Variants in TANC1 observed in about 807,000 individuals in gnomAD.
The protein encoded by TANC1 is tetratricopeptide repeat, ankyrin repeat and coiled-coil containing 1, also known as protein TANC1.
TANC1 carries 77 observed loss-of-function variants against 149.7 expected under a neutral mutation model. The observed-to-expected ratio is 0.51, with a 90% confidence interval of 0.43 to 0.62. The LOEUF (loss-of-function observed/expected upper bound fraction) is 0.62. Among genes scored for constraint, TANC1 ranks in the 20% least tolerant of loss-of-function variants. The pLI, the probability that TANC1 is intolerant of heterozygous loss-of-function variation, is 0.00. For synonymous variants in TANC1, 854 were observed against 925.0 expected, an observed-to-expected ratio of 0.92 and a Z score of 1.39; for missense variants, 1,985 against 2,321.8, an observed-to-expected ratio of 0.85 and a Z score of 2.98.
In TANC1 at chr2:159,076,350, A is replaced by G. The variant is rs554373283; in HGVS notation, c.61+10379A>G. ...TTTCATGTTTGTGCTGAGGCTAGAG[A>G]TCCACTAGTCTGATTGGCTTATATT... On this transcript the variant is annotated intron_variant, in intron 3 of 26. Transcript: ENST00000263635. Among the ~76,000 whole-genome samples the G allele has an allele frequency of 5.3e-5, 8 of 152,318 alleles. No individual in the cohort carries two copies. In the South Asian group the frequency reaches 1.7e-3, roughly 32 times the overall value.
chr2:159,196,322 C>T (rs559292040), intron 17 of TANC1, among the ~76,000 whole-genome samples: 31 of 152,292 alleles, frequency 2.0e-4, no homozygotes, highest in African/African-American at 5.5e-4. Flanking sequence ...CACATGCTCA[C>T]AAGAGAGTTA....
chr2:159,172,248 T>C lies in TANC1; in HGVS notation c.1479T>C (p.Asp493=), dbSNP rs1575084558. The change falls in exon 11 of 27, where the codon GAT becomes GAC. Residue 493 remains aspartate, a synonymous_variant. Coordinates refer to ENST00000263635, the MANE Select transcript of TANC1 (RefSeq NM_033394.3). The part of the protein sequence containing the change: ...ISAENQRPRE[D]AVKYLASKVV... ...CTGAAAACCAGAGACCAAGAGAGGATGCAGTGAAATATCTTGCTTCTAAGG... is the reference window on the plus strand; with the variant it reads ...CTGAAAACCAGAGACCAAGAGAGGACGCAGTGAAATATCTTGCTTCTAAGG... 4.3e-6 allele frequency: 7 copies of C among 1,614,130 alleles called. No individual in the cohort carries two copies. The highest frequency in any genetic ancestry group is 5.9e-6 in the Non-Finnish European group (7 of 1,179,962).
chr2:159,185,119 C>T (rs1203323413), intron 14 of TANC1, among the ~76,000 whole-genome samples: 2 of 152,208 alleles, frequency 1.3e-5, no homozygotes, highest in African/African-American at 4.8e-5. Flanking sequence ...AAGTAATTTA[C>T]ATTGCATAGA....
chr2:159,095,087 C>T (rs772561604), intron 3 of TANC1, among the ~76,000 whole-genome samples: 4 of 151,712 alleles, frequency 2.6e-5, no homozygotes, highest in African/African-American at 7.3e-5. Flanking sequence ...CTGGGATTAC[C>T]GGTGCCCACC....
intron 2 of TANC1, among the ~76,000 whole-genome samples, chr2:159,016,865 C>T (rs1415353928): frequency 6.6e-6 from 1 of 152,120 alleles, no homozygotes; most frequent in Non-Finnish European, 1.5e-5. Context: ...TGAGCCACTG[C>T]ACCCAGCCTA....
intron 4 of TANC1, among the ~76,000 whole-genome samples, chr2:159,134,754 A>G (rs578023305): frequency 2.0e-5 from 3 of 152,052 alleles, no homozygotes; most frequent in East Asian, 3.9e-4. Flanking sequence ...ATGTGCTGGG[A>G]TTACAGGCAT....
intron 18 of TANC1, among the ~76,000 whole-genome samples, chr2:159,198,443 G>A (rs2058022484): frequency 6.6e-6 from 1 of 152,186 alleles, no homozygotes; most frequent in Non-Finnish European, 1.5e-5. Context: ...GGGCACAGAT[G>A]CCTTGTCTCC....
chr2:159,099,657 C>T (rs1020582545), intron 4 of TANC1, among the ~76,000 whole-genome samples: 27 of 151,876 alleles, frequency 1.8e-4, no homozygotes, highest in Admixed American at 2.6e-4. Context: ...TTAGCAAGAA[C>T]GCCTCCCCAC....
chr2:159,074,674 T>G (rs1233743583), intron 3 of TANC1, among the ~76,000 whole-genome samples: 1 of 152,222 alleles, frequency 6.6e-6, no homozygotes, highest in Non-Finnish European at 1.5e-5. Flanking sequence ...GTACGAGATG[T>G]TAAAAATATT....
At chr2:159,067,624 A>G (rs1304500193) in intron 3 of TANC1, among the ~76,000 whole-genome samples, 1 of 152,176 alleles carries the variant, frequency 6.6e-6, no homozygotes, top group Non-Finnish European at 1.5e-5. Context: ...TCTGTCACCA[A>G]TCATGGGAAC....
rs938391165 is a variant in TANC1 at position 159,217,400 on chromosome 2, C to G, written c.3245-97C>G. 2.0e-6 allele frequency: 3 copies of G among 1,483,326 alleles called. No individual in the cohort carries two copies. In the African/African-American group the frequency reaches 4.1e-5, roughly 20 times the overall value. The allele number at this position is 1,483,326 out of a possible 1,614,324, so 91.9% of individuals were successfully genotyped here. A position where few individuals can be genotyped will look rare whatever the true frequency, so the allele number is the denominator to read the frequency against. On this transcript the variant is annotated intron_variant, in intron 19 of 26. Coordinates refer to ENST00000263635, the MANE Select transcript of TANC1 (RefSeq NM_033394.3). The stretch of plus-strand genomic sequence containing the variant: ...GTTCAAAGGGGGAGGACATATAGAC[C>G]CCATCTCCCACTGGGGGAGAGAACT...
At chr2:159,115,087 G>A (rs184626309) in intron 4 of TANC1, among the ~76,000 whole-genome samples, 2 of 152,326 alleles carry the variant, frequency 1.3e-5, no homozygotes, top group Non-Finnish European at 2.9e-5. Context: ...GGCAAGAGAT[G>A]ACAACAGTGA....
chr2:159,130,794 G>GGCA (rs2049994201), intron 4 of TANC1, among the ~76,000 whole-genome samples: 1 of 152,110 alleles, frequency 6.6e-6, no homozygotes, highest in Non-Finnish European at 1.5e-5. Context: ...CCTGGGCTTA[G>GGCA]GCAGTCCTCC....
At chr2:159,177,588 G>C (rs2056010683) in intron 13 of TANC1, among the ~76,000 whole-genome samples, 1 of 152,116 alleles carries the variant, frequency 6.6e-6, no homozygotes, top group African/African-American at 2.4e-5. Flanking sequence ...TAGATCATAG[G>C]AACCAGGAAT....
At chr2:159,028,579 C>T (rs1332973548) in intron 2 of TANC1, among the ~76,000 whole-genome samples, 1 of 152,152 alleles carries the variant, frequency 6.6e-6, no homozygotes, top group Non-Finnish European at 1.5e-5. Context: ...TAACTCCTAA[C>T]AAAATTTTAA....
At chr2:159,186,401 G>C (rs1306541415) in intron 15 of TANC1, among the ~76,000 whole-genome samples, 1 of 152,086 alleles carries the variant, frequency 6.6e-6, no homozygotes, top group Non-Finnish European at 1.5e-5. Flanking sequence ...CACCTTGCAG[G>C]GCTCAGATGG....
At chr2:159,004,209 C>T (rs748874741) in intron 2 of TANC1, 161 of 1,612,330 alleles carry the variant, frequency 1.0e-4, no homozygotes, top group Non-Finnish European at 1.3e-4. Context: ...ACAGTTCCCA[C>T]GGCAAGTCTT....
chr2:158,991,735 G>C (rs1256406516), intron 1 of TANC1, among the ~76,000 whole-genome samples: 1 of 151,732 alleles, frequency 6.6e-6, no homozygotes, highest in Non-Finnish European at 1.5e-5. Context: ...GACAGAGTGA[G>C]ACTCTGTCTC....
At chr2:159,112,950 A>T (rs11692168) in intron 4 of TANC1, among the ~76,000 whole-genome samples, 49,326 of 151,350 alleles carry the variant, frequency 0.33, 8,724 homozygotes, top group East Asian at 0.63. Flanking sequence ...GGCATTTTTT[A>T]AAAAAATTTT....
Sources: gnomAD v4.1 joint callset for allele counts (sites outside exome capture counted in the v4.1 genomes callset) on GRCh38, gnomAD v4.1.1 for gene constraint, MANE v1.5 for transcripts, NCBI Gene and HGNC (gene_info 2026-07-23, HGNC 2026-07-21) for gene names.